Variants in USP4 observed in about 807,000 individuals in gnomAD.
The protein encoded by USP4 is ubiquitin specific peptidase 4.
In USP4, 72 loss-of-function variants were observed where a neutral mutation model predicts 118.2. The observed-to-expected ratio is 0.61, with a 90% CI of 0.50 to 0.74. The LOEUF is 0.74. Ranked by LOEUF, USP4 falls within the 30% of genes least tolerant of loss-of-function variation. The pLI, the probability that USP4 is intolerant of heterozygous loss-of-function variation, is 0.00. For synonymous variants in USP4, 415 were observed against 440.4 expected, an observed-to-expected ratio of 0.94 and a Z score of 0.72; for missense variants, 1,037 against 1,185.7, an observed-to-expected ratio of 0.87 and a Z score of 1.84.
In USP4 at chr3:49,293,822, A is replaced by G. The variant is rs539544754; in HGVS notation, c.1883+585T>C. ...TCCAGCTTCAGAACGATAGTGGAAC[A>G]CTTCAGAAATAAAATACAAATGCCA... On this transcript the variant is annotated intron_variant, in intron 14 of 21. Coordinates refer to ENST00000265560, the MANE Select transcript of USP4 (RefSeq NM_003363.4). Among the ~76,000 whole-genome samples, 227 of 152,314 alleles carry G rather than the reference A, an allele frequency of 1.5e-3. 1 individual carries two copies. In the South Asian group the frequency reaches 0.026, roughly 17 times the overall value.
At chr3:49,311,736 GAATA>G (rs2047385060) in intron 6 of USP4, 82 bp from the exon 7 acceptor site, 5 of 1,532,886 alleles carry the variant, frequency 3.3e-6, no homozygotes, top group African/African-American at 2.8e-5. Context: ...GCTTCTCAAG[GAATA>G]AATATTCTTC....
intron 12 of USP4, among the ~76,000 whole-genome samples, chr3:49,298,183 A>C (rs2047228594): frequency 6.6e-6 from 1 of 152,240 alleles, no homozygotes; most frequent in African/African-American, 2.4e-5. Flanking sequence ...TCTGCCCTCG[A>C]CTGGCAGGAA....
chr3:49,308,003 T>C (rs923115671), intron 8 of USP4, among the ~76,000 whole-genome samples: 2 of 151,212 alleles, frequency 1.3e-5, no homozygotes, highest in African/African-American at 4.9e-5. Flanking sequence ...TTCCTGTCTC[T>C]AAGAAAAAAA....
chr3:49,319,175 T>A (rs1360556911), intron 6 of USP4, among the ~76,000 whole-genome samples: 1 of 151,510 alleles, frequency 6.6e-6, no homozygotes, highest in Non-Finnish European at 1.5e-5. Flanking sequence ...TAAAACTGAC[T>A]CTATTGGTAG....
At chr3:49,288,172 C>A (rs1281307229) in intron 15 of USP4, among the ~76,000 whole-genome samples, 2 of 152,180 alleles carry the variant, frequency 1.3e-5, no homozygotes, top group Non-Finnish European at 2.9e-5. Context: ...ACACAATAAG[C>A]CTGTCCCCCT....
chr3:49,335,266 T>A (rs1004420489), intron 2 of USP4, among the ~76,000 whole-genome samples: 2 of 152,196 alleles, frequency 1.3e-5, no homozygotes, highest in African/African-American at 4.8e-5. Flanking sequence ...CATACTCTTA[T>A]CAGATGCAGT....
intron 2 of USP4, 48 bp downstream of exon 2, chr3:49,335,421 G>A (rs2047658626): frequency 6.2e-7 from 1 of 1,613,014 alleles, no homozygotes; most frequent in African/African-American, 1.3e-5. Context: ...ATAACATCAG[G>A]CCACTGCCCA....
chr3:49,308,084 C>T (rs1034517692), intron 8 of USP4, among the ~76,000 whole-genome samples: 1 of 152,052 alleles, frequency 6.6e-6, no homozygotes, highest in African/African-American at 2.4e-5. Flanking sequence ...AATCTATTTG[C>T]CCCTGGAATG....
chr3:49,304,576 G>A (rs1339642044), intron 9 of USP4, among the ~76,000 whole-genome samples: 1 of 152,224 alleles, frequency 6.6e-6, no homozygotes, highest in Non-Finnish European at 1.5e-5. Context: ...GCCTTCAGAT[G>A]ATACTAGAAA....
In USP4 at chr3:49,311,488, A is replaced by G. The variant is rs752226086; in HGVS notation, c.836+26T>C. The G allele has an allele frequency of 4.3e-6, 7 of 1,609,864 alleles. No homozygotes were observed. In the South Asian group the frequency reaches 5.5e-5, roughly 13 times the overall value. On this transcript the variant is annotated intron_variant, in intron 7 of 21. Coordinates refer to ENST00000265560, the MANE Select transcript of USP4 (RefSeq NM_003363.4). ...CCTGGGAAAGGACCACGGGAAAGGA[A>G]GCAGAGTGAAAGGACCTGCTCTTAC...
intron 6 of USP4, among the ~76,000 whole-genome samples, chr3:49,315,377 G>C (rs2047424691): frequency 6.6e-6 from 1 of 152,162 alleles, no homozygotes; most frequent in Non-Finnish European, 1.5e-5. Context: ...TGACAGACAA[G>C]TCAGAAGCAA....
rs530109090 is a variant in USP4 at position 49,296,400 on chromosome 3, A to C, written c.1691+1470T>G. On this transcript the variant is annotated intron_variant, in intron 13 of 21. Transcript: ENST00000265560. Reference sequence around the variant, plus strand: ...CACAGTGGCTCACGCCTGTAATCCCAGCACTTTGGGAGGCCAAGGCGGGTG... The same window carrying C: ...CACAGTGGCTCACGCCTGTAATCCCCGCACTTTGGGAGGCCAAGGCGGGTG... Among the ~76,000 whole-genome samples the C allele has an allele frequency of 1.3e-3, 192 of 152,290 alleles. 1 individual carries two copies. Among genetic ancestry groups the C allele is most frequent in the African/African-American group, 4.2e-3 (175 of 41,578 alleles).
intron 9 of USP4, 98 bp downstream of exon 9, chr3:49,305,617 A>T (rs911895657): frequency 9.5e-6 from 10 of 1,057,354 alleles, no homozygotes; most frequent in African/African-American, 3.4e-5. Flanking sequence ...TAAATACCAT[A>T]AAAAAAAATC....
chr3:49,332,557 C>A (rs1355731452), intron 2 of USP4, among the ~76,000 whole-genome samples: 3 of 151,818 alleles, frequency 2.0e-5, no homozygotes, highest in African/African-American at 4.8e-5. Flanking sequence ...CATTTAAAAT[C>A]TGTTGTTTAG....
intron 6 of USP4, among the ~76,000 whole-genome samples, chr3:49,315,929 C>T (rs1006507172): frequency 6.6e-6 from 1 of 152,080 alleles, no homozygotes. Flanking sequence ...CTAGGCCAGG[C>T]GTGGTGGCTC....
intron 11 of USP4, 145 bp from the exon 12 acceptor site, chr3:49,298,780 A>G (rs2047234908): frequency 2.9e-6 from 2 of 687,966 alleles, no homozygotes; most frequent in Admixed American, 2.4e-5. Context: ...TCAGAAGCAG[A>G]GCAAATAAGC....
intron 1 of USP4, among the ~76,000 whole-genome samples, chr3:49,336,781 C>G (rs2047672987): frequency 6.6e-6 from 1 of 151,994 alleles, no homozygotes; most frequent in Admixed American, 6.6e-5. Flanking sequence ...CTCGGCCTCC[C>G]AAAGTGCTGT....
intron 6 of USP4, among the ~76,000 whole-genome samples, chr3:49,315,021 T>C (rs1463333501): frequency 2.6e-5 from 4 of 152,024 alleles, no homozygotes; most frequent in Non-Finnish European, 5.9e-5. Context: ...CCAGTTTTCA[T>C]AGTAAATTCA....
chr3:49,290,369 G>A (rs1302594760), intron 15 of USP4, among the ~76,000 whole-genome samples: 5 of 152,166 alleles, frequency 3.3e-5, no homozygotes, highest in Non-Finnish European at 7.3e-5. Context: ...AGCCAAGATT[G>A]TGCCACTGCA....
Sources: gnomAD v4.1 joint callset for allele counts (sites outside exome capture counted in the v4.1 genomes callset) on GRCh38, gnomAD v4.1.1 for gene constraint, MANE v1.5 for transcripts, NCBI Gene and HGNC (gene_info 2026-07-23, HGNC 2026-07-21) for gene names.